RNF220: variants seen among roughly 807,000 people sequenced by gnomAD.
The protein encoded by RNF220 is ring finger protein 220, also known as E3 ubiquitin-protein ligase RNF220.
A neutral mutation model predicts 67.1 loss-of-function variants in RNF220; 7 were observed. The ratio of observed to expected loss-of-function variants is 0.10; its 90% confidence interval spans 0.06 to 0.20. The LOEUF (loss-of-function observed/expected upper bound fraction) is 0.20, where lower values mean the gene tolerates loss of function less well. Among genes scored for constraint, RNF220 ranks in the 10% least tolerant of loss-of-function variants. The probability of loss-of-function intolerance (pLI) is 1.00; values close to 1 mark genes in which losing one functional copy is unlikely to be tolerated. For missense variants in RNF220, 565 were observed against 740.3 expected, an observed-to-expected ratio of 0.76 and a Z score of 2.75; for synonymous variants, 270 against 283.2, an observed-to-expected ratio of 0.95 and a Z score of 0.47.
chr1:44,537,105 A>G (rs1323418314), intron 2 of RNF220, among the ~76,000 whole-genome samples: 1 of 152,078 alleles, frequency 6.6e-6, no homozygotes, highest in Non-Finnish European at 1.5e-5. Context: ...GGCCCATGAC[A>G]GTGTTTATCT....
At chr1:44,646,792 C>T (rs554129449) in intron 12 of RNF220, among the ~76,000 whole-genome samples, 15 of 152,318 alleles carry the variant, frequency 9.8e-5, no homozygotes, top group African/African-American at 3.1e-4. Flanking sequence ...GAGACTGGCT[C>T]AGTCATGTGC....
intron 2 of RNF220, among the ~76,000 whole-genome samples, chr1:44,485,147 A>G (rs1333439775): frequency 6.6e-6 from 1 of 152,174 alleles, no homozygotes; most frequent in Non-Finnish European, 1.5e-5. Flanking sequence ...AAACAAAGAA[A>G]AGAAAAGAGT....
At chr1:44,632,123 A>T in intron 5 of RNF220, 1 of 1,499,276 alleles carries the variant, frequency 6.7e-7, no homozygotes, top group Non-Finnish European at 9.0e-7. Context: ...CGCAGCGGCC[A>T]CGGGGTCCCG....
At chr1:44,607,365 C>T (rs979851592) in intron 2 of RNF220, among the ~76,000 whole-genome samples, 9 of 152,198 alleles carry the variant, frequency 5.9e-5, no homozygotes, top group Non-Finnish European at 1.0e-4. Context: ...CTCCAGGATG[C>T]ACCCTCTCTA....
At chr1:44,563,565 G>A (rs560368145) in intron 2 of RNF220, among the ~76,000 whole-genome samples, 30 of 152,316 alleles carry the variant, frequency 2.0e-4, no homozygotes, top group Admixed American at 5.9e-4. Context: ...ACACTAGTGT[G>A]TCCTGTAGTA....
intron 2 of RNF220, among the ~76,000 whole-genome samples, chr1:44,447,455 A>T (rs898043143): frequency 1.3e-5 from 2 of 152,208 alleles, no homozygotes; most frequent in Non-Finnish European, 2.9e-5. Flanking sequence ...AGTCACTAGC[A>T]TCTATGTTCT....
chr1:44,569,537 G>A (rs1400356439), intron 2 of RNF220, among the ~76,000 whole-genome samples: 1 of 152,168 alleles, frequency 6.6e-6, no homozygotes, highest in Non-Finnish European at 1.5e-5. Context: ...GCTATCCAAG[G>A]AGCAGTTAGA....
chr1:44,614,345 G>T, intron 3 of RNF220, 48 bp downstream of exon 3: 1 of 1,596,482 alleles, frequency 6.3e-7, no homozygotes, highest in Non-Finnish European at 8.6e-7. Context: ...TCCACTCAGG[G>T]TTCTGGCCAC....
chr1:44,559,815 A>T (rs1180750448), intron 2 of RNF220, among the ~76,000 whole-genome samples: 1 of 152,248 alleles, frequency 6.6e-6, no homozygotes, highest in South Asian at 2.1e-4. Context: ...CTCTGCATCG[A>T]TGTCACTGTC....
At position 44,584,919 on chromosome 1, in the gene RNF220, G is replaced by A. The variant is rs543361258; in HGVS notation, c.626-29246G>A. ...TCACCATGTTGGCCAGGCTGGTCTC[G>A]AACTCCTGACCTCAAGTGATCTGCC... On this transcript the variant is annotated intron_variant, in intron 2 of 14. Transcript: ENST00000361799. Among the ~76,000 whole-genome samples, 14 of 152,208 alleles carry A rather than the reference G, an allele frequency of 9.2e-5. No individual in the cohort carries two copies. In the South Asian group the frequency reaches 1.9e-3, roughly 20 times the overall value.
chr1:44,544,954 T>C (rs1661998230), intron 2 of RNF220, among the ~76,000 whole-genome samples: 1 of 152,232 alleles, frequency 6.6e-6, no homozygotes, highest in African/African-American at 2.4e-5. Flanking sequence ...AATGAGTTAA[T>C]GCAACCAGGA....
intron 2 of RNF220, among the ~76,000 whole-genome samples, chr1:44,495,544 C>A (rs909552384): frequency 1.3e-5 from 2 of 152,114 alleles, no homozygotes; most frequent in Non-Finnish European, 2.9e-5. Context: ...TGCAGGAGAC[C>A]TAAAAAATGA....
intron 2 of RNF220, among the ~76,000 whole-genome samples, chr1:44,550,582 G>A (rs1476271085): frequency 6.6e-6 from 1 of 152,186 alleles, no homozygotes; most frequent in Non-Finnish European, 1.5e-5. Flanking sequence ...TTGAAGAGAT[G>A]CAGAAAGGTT....
intron 2 of RNF220, among the ~76,000 whole-genome samples, chr1:44,613,691 A>G (rs988020111): frequency 1.3e-5 from 2 of 152,244 alleles, no homozygotes. Context: ...AGCCTGACCA[A>G]CAAGATGAAA....
chr1:44,476,631 T>C (rs537573788), intron 2 of RNF220, among the ~76,000 whole-genome samples: 9 of 152,060 alleles, frequency 5.9e-5, no homozygotes, highest in Admixed American at 5.9e-4. Context: ...GACCTTGTAG[T>C]TGGGGCAGCA....
chr1:44,438,556 C>T (rs565281671), intron 2 of RNF220, among the ~76,000 whole-genome samples: 3 of 152,264 alleles, frequency 2.0e-5, no homozygotes, highest in East Asian at 1.9e-4. Context: ...TTAGGCCCTC[C>T]GGATACAGTA....
upstream of RNF220, chr1:44,405,168 T>C (rs1212246389): frequency 2.0e-5 from 5 of 256,370 alleles, no homozygotes; most frequent in Non-Finnish European, 3.7e-5. Flanking sequence ...AGAGTGCCTG[T>C]ATGTGTGTGA....
At chr1:44,543,066 G>T (rs921026773) in intron 2 of RNF220, among the ~76,000 whole-genome samples, 3 of 152,182 alleles carry the variant, frequency 2.0e-5, no homozygotes, top group Non-Finnish European at 4.4e-5. Flanking sequence ...CCATCGGAGA[G>T]CTGGGAAGAA....
chr1:44,603,597 C>T (rs1041836978), intron 2 of RNF220, among the ~76,000 whole-genome samples: 6 of 152,256 alleles, frequency 3.9e-5, no homozygotes, highest in African/African-American at 1.4e-4. Flanking sequence ...TCATCTTGGA[C>T]GACAATTAAA....
Sources: allele counts gnomAD v4.1 joint callset (sites outside exome capture counted in the v4.1 genomes callset), GRCh38; gene constraint gnomAD v4.1.1; transcripts MANE v1.5; gene names NCBI Gene and HGNC (gene_info 2026-07-23, HGNC 2026-07-21).